CHAF1A: variants seen among roughly 807,000 people sequenced by gnomAD.
The protein encoded by CHAF1A is chromatin assembly factor 1 subunit A.
Under a neutral mutation model 93.2 loss-of-function variants are expected in CHAF1A, and 5 were observed. The observed-to-expected ratio is 0.05, with a 90% CI of 0.03 to 0.11. CHAF1A has a LOEUF of 0.11. Among genes scored for constraint, CHAF1A ranks in the 10% least tolerant of loss-of-function variants. CHAF1A has a pLI of 1.00. For missense variants in CHAF1A, 1,102 were observed against 1,259.9 expected (o/e 0.87, Z 1.90); for synonymous variants, 504 against 510.3 (o/e 0.99, Z 0.17).
At chr19:4,447,589 C>A, downstream of CHAF1A, 2 of 1,613,828 alleles carry the variant, frequency 1.2e-6, no homozygotes, top group Non-Finnish European at 8.5e-7. Context: ...TCCGGTACTT[C>A]TCCTCCTCGG....
At chr19:4,435,452 A>G (rs982641335) in intron 13 of CHAF1A, among the ~76,000 whole-genome samples, 3 of 151,800 alleles carry the variant, frequency 2.0e-5, no homozygotes, top group Non-Finnish European at 4.4e-5. Context: ...CACTCACTGC[A>G]GCCTTGACCT....
At chr19:4,445,301 G>A (rs939949100), downstream of CHAF1A, 49 of 856,194 alleles carry the variant, frequency 5.7e-5, no homozygotes, top group East Asian at 8.6e-4. Flanking sequence ...GGGCTTGGGC[G>A]CATCCCCACA....
At chr19:4,447,009 T>C (rs2145171344), downstream of CHAF1A, 1 of 1,323,378 alleles carries the variant, frequency 7.6e-7, no homozygotes, top group African/African-American at 1.5e-5. Flanking sequence ...CGGCTCTCGC[T>C]ATTGGGAGCA....
At chr19:4,402,890 C>T (rs1973610050) in intron 1 of CHAF1A, 76 bp downstream of exon 1, 3 of 922,132 alleles carry the variant, frequency 3.3e-6, no homozygotes, top group Non-Finnish European at 4.2e-6. Flanking sequence ...CGATGGGAGG[C>T]GGACGGGCCT....
chr19:4,447,476 GGCCACCACCGGCTCCTGCAGGCCAGCT>G, downstream of CHAF1A: 1 of 1,551,554 alleles, frequency 6.4e-7, no homozygotes, highest in East Asian at 2.2e-5. Flanking sequence ...GCCTGGTGTG[GGCCACCACCGGCTCCTGCAGGCCAGCT>G]GCCCCCACCC....
chr19:4,438,931 G>A (rs1308863540), intron 13 of CHAF1A, among the ~76,000 whole-genome samples: 1 of 152,114 alleles, frequency 6.6e-6, no homozygotes, highest in African/African-American at 2.4e-5. Flanking sequence ...GCGGTGAGCC[G>A]AGATCGCGCC....
chr19:4,408,354 G>A (rs1045455894), intron 2 of CHAF1A, among the ~76,000 whole-genome samples: 2 of 150,696 alleles, frequency 1.3e-5, no homozygotes, highest in Non-Finnish European at 3.0e-5. Flanking sequence ...CACCTCACCC[G>A]GCTAATTTTT....
In CHAF1A at chr19:4,430,815, A is replaced by G. The variant is rs575154908; in HGVS notation, c.1947+174A>G. On this transcript the variant is annotated intron_variant, in intron 11 of 14. Transcript: ENST00000301280. ...AACAGCTGGGCCTGAACTTGGTATT[A>G]CCTGGGAGGGTGGCAGACGTAGGAG... The G allele has an allele frequency of 9.6e-6, 6 of 628,076 alleles. No individual in the cohort carries two copies. The African/African-American group carries it at 1.1e-4, about 12-fold the overall frequency. 38.9% of individuals were successfully genotyped at this position (628,076 alleles called of 1,614,324 possible).
At chr19:4,404,366 G>A (rs756487588) in intron 1 of CHAF1A, among the ~76,000 whole-genome samples, 1 of 152,120 alleles carries the variant, frequency 6.6e-6, no homozygotes, top group African/African-American at 2.4e-5. Context: ...GGTTGTTTCT[G>A]TTCCACTTGC....
intron 11 of CHAF1A, 51 bp from the exon 12 acceptor site, chr19:4,431,901 G>C (rs1568179867): frequency 6.4e-7 from 1 of 1,557,034 alleles, no homozygotes; most frequent in Non-Finnish European, 8.7e-7. Context: ...AGAGTGCCCG[G>C]GCATAGGGGA....
downstream of CHAF1A, chr19:4,447,495 A>G: frequency 6.3e-7 from 1 of 1,598,388 alleles, no homozygotes; most frequent in African/African-American, 1.3e-5. Flanking sequence ...CGGCTCCTGC[A>G]GGCCAGCTGC....
At chr19:4,437,071 C>A (rs1319053448) in intron 13 of CHAF1A, among the ~76,000 whole-genome samples, 1 of 152,172 alleles carries the variant, frequency 6.6e-6, no homozygotes, top group Non-Finnish European at 1.5e-5. Flanking sequence ...GCCACATGCG[C>A]GTGATTGGTG....
chr19:4,416,644 A>T (rs563831035), intron 3 of CHAF1A, among the ~76,000 whole-genome samples: 107 of 115,480 alleles, frequency 9.3e-4, no homozygotes, highest in African/African-American at 3.0e-3. Flanking sequence ...AATTCCTAGC[A>T]CTTTGGGAGG....
Position 4,430,667 on chromosome 19 carries a change from C to T in CHAF1A, c.1947+26C>T, listed in dbSNP as rs375300764. The T allele has an allele frequency of 3.3e-5, 54 of 1,612,426 alleles. 1 individual carries two copies. In the Middle Eastern group the frequency reaches 5.0e-4, roughly 15 times the overall value. ...GTGAGGGAGTGAAGGGGGAGGTCAC[C>T]GGCTCAGCAAAAGTTCATTTCTGGA... On this transcript the variant is annotated intron_variant, in intron 11 of 14. Transcript: ENST00000301280.
downstream of CHAF1A, chr19:4,445,815 C>A: frequency 9.3e-7 from 1 of 1,076,758 alleles, no homozygotes; most frequent in South Asian, 1.6e-5. Flanking sequence ...ACCTACTGCA[C>A]TAGCTAACGC....
At chr19:4,434,683 A>G (rs1974250352) in intron 13 of CHAF1A, among the ~76,000 whole-genome samples, 1 of 152,014 alleles carries the variant, frequency 6.6e-6, no homozygotes, top group Non-Finnish European at 1.5e-5. Flanking sequence ...TTCACACTGA[A>G]TAATATTCCA....
chr19:4,445,291 G>T, downstream of CHAF1A: 1 of 775,340 alleles, frequency 1.3e-6, no homozygotes, highest in Non-Finnish European at 2.1e-6. Flanking sequence ...TCTCCCTCGG[G>T]GGCTTGGGCG....
At chr19:4,436,547 G>A (rs547622339) in intron 13 of CHAF1A, among the ~76,000 whole-genome samples, 5 of 152,318 alleles carry the variant, frequency 3.3e-5, no homozygotes, top group African/African-American at 1.2e-4. Context: ...GCCTTAGAGG[G>A]AACCGGAGCT....
chr19:4,434,084 C>A (rs548531898), intron 13 of CHAF1A, among the ~76,000 whole-genome samples: 3 of 152,130 alleles, frequency 2.0e-5, no homozygotes, highest in Middle Eastern at 3.4e-3. Context: ...CTGTGGCTCA[C>A]GCCTGTAGTC....
Sources: gnomAD v4.1 joint callset for allele counts (sites outside exome capture counted in the v4.1 genomes callset) on GRCh38, gnomAD v4.1.1 for gene constraint, MANE v1.5 for transcripts, NCBI Gene and HGNC (gene_info 2026-07-23, HGNC 2026-07-21) for gene names.